Variants in FRMD6 observed in about 807,000 individuals in gnomAD.
FRMD6 encodes FERM domain containing 6, also known as FERM domain-containing protein 6.
In FRMD6, 37 loss-of-function variants were observed where a neutral mutation model predicts 73.2. That is an observed-to-expected ratio of 0.51 (90% CI 0.39 to 0.66). The LOEUF (loss-of-function observed/expected upper bound fraction) is 0.66. Ranked by LOEUF, FRMD6 falls within the 30% of genes least tolerant of loss-of-function variation. FRMD6 has a pLI of 0.00. For synonymous variants in FRMD6, 273 were observed against 282.2 expected (o/e 0.97, Z 0.33); for missense variants, 714 against 780.5 (o/e 0.91, Z 1.02).
intron 1 of FRMD6, among the ~76,000 whole-genome samples, chr14:51,556,345 A>G (rs1887130872): frequency 6.6e-6 from 1 of 152,240 alleles, no homozygotes; most frequent in Non-Finnish European, 1.5e-5. Flanking sequence ...CAATCACTGA[A>G]TAATTAGAAG....
At chr14:51,638,537 C>T (rs551441623) in intron 2 of FRMD6, among the ~76,000 whole-genome samples, 1 of 152,224 alleles carries the variant, frequency 6.6e-6, no homozygotes, top group East Asian at 1.9e-4. Flanking sequence ...ACCTGGCTCC[C>T]GCAATGATAG....
At chr14:51,409,886 G>A in the FRMD6 span, among the ~76,000 whole-genome samples, 1 of 152,132 alleles carries the variant, frequency 6.6e-6, no homozygotes, top group Non-Finnish European at 1.5e-5. Context: ...ACCACGCCCG[G>A]CCCAACGCAG....
chr14:51,659,897 A>C (rs1893094509), intron 1 of FRMD6, among the ~76,000 whole-genome samples: 1 of 152,236 alleles, frequency 6.6e-6, no homozygotes, highest in Admixed American at 6.5e-5. Flanking sequence ...CCAGAGTTTG[A>C]GATTTTAAAC....
intron 2 of FRMD6, among the ~76,000 whole-genome samples, chr14:51,590,569 A>G (rs1889334137): frequency 6.6e-6 from 1 of 152,240 alleles, no homozygotes. Context: ...TGTGTGGCTT[A>G]GAACTCAGAA....
intron 1 of FRMD6, among the ~76,000 whole-genome samples, chr14:51,569,674 G>T (rs1203606822): frequency 6.6e-6 from 1 of 150,778 alleles, no homozygotes; most frequent in Admixed American, 6.6e-5. Context: ...GCTAATTTTT[G>T]TATTTTTTGT....
At chr14:51,397,497 G>C in the FRMD6 span, among the ~76,000 whole-genome samples, 1 of 152,214 alleles carries the variant, frequency 6.6e-6, no homozygotes, top group South Asian at 2.1e-4. Flanking sequence ...GTATATGTGT[G>C]TGTGAGTAGC....
chr14:51,594,341 T>TA (rs57440129), intron 2 of FRMD6, among the ~76,000 whole-genome samples: 15 of 150,282 alleles, frequency 1.0e-4, no homozygotes, highest in South Asian at 2.1e-4. Flanking sequence ...TTTATTTATT[T>TA]TTTTGAGACG....
the FRMD6 span, among the ~76,000 whole-genome samples, chr14:51,437,512 C>T: frequency 6.6e-6 from 1 of 152,208 alleles, no homozygotes; most frequent in African/African-American, 2.4e-5. Context: ...CCGTGTTAGC[C>T]AGGATGGCCT....
At chr14:51,549,780 A>G (rs1290881816) in intron 1 of FRMD6, among the ~76,000 whole-genome samples, 3 of 151,538 alleles carry the variant, frequency 2.0e-5, no homozygotes, top group Non-Finnish European at 4.4e-5. Context: ...TATTTTTAGT[A>G]GAGACGGGGT....
chr14:51,712,026 C>A (rs1048682934), intron 8 of FRMD6, among the ~76,000 whole-genome samples: 1 of 152,134 alleles, frequency 6.6e-6, no homozygotes, highest in African/African-American at 2.4e-5. Context: ...ATGAAACTTA[C>A]CCCTTAAATA....
chr14:51,436,118 A>T, the FRMD6 span: 1 of 235,900 alleles, frequency 4.2e-6, no homozygotes, highest in Non-Finnish European at 8.2e-6. Flanking sequence ...CAGAGAAGAC[A>T]TTGACTTCTG....
At chr14:51,537,651 C>G (rs1323289937) in intron 1 of FRMD6, among the ~76,000 whole-genome samples, 2 of 152,196 alleles carry the variant, frequency 1.3e-5, no homozygotes, top group African/African-American at 4.8e-5. Flanking sequence ...TCCTGTTGCT[C>G]CACAACCTCA....
chr14:51,412,459 A>G, the FRMD6 span, among the ~76,000 whole-genome samples: 1 of 151,814 alleles, frequency 6.6e-6, no homozygotes, highest in Admixed American at 6.5e-5. Flanking sequence ...AAAGGGTGGG[A>G]TATTGAGAAG....
rs201318279 is a variant in FRMD6, at chr14:51,585,574, T to C, written c.-147+15164T>C. Among the ~76,000 whole-genome samples, 30 of 152,248 alleles carry C rather than the reference T, an allele frequency of 2.0e-4. No homozygotes were observed. The East Asian group carries it at 5.8e-3, about 30-fold the overall frequency. On this transcript the variant is annotated intron_variant, in intron 2 of 14. Transcript: ENST00000356218. ...ATCCAGGTTTCACATTTATGAGCTA[T>C]GTGACTTTAGATCGAATAACAACTG...
intron 13 of FRMD6, among the ~76,000 whole-genome samples, chr14:51,726,614 GA>G (rs1280097922): frequency 6.6e-6 from 1 of 152,080 alleles, no homozygotes; most frequent in Non-Finnish European, 1.5e-5. Flanking sequence ...TGATGTTTAT[GA>G]AATATTTTCC....
rs35908845 is a variant in FRMD6, at chr14:51,727,853, A to G, written c.1693A>G (p.Thr565Ala). Reference sequence around the variant, plus strand: ...GCGCATTGCAGGTCTGTGTCAGGACACTGCTCAGAGTTACACCTTTGGATG... The same window carrying G: ...GCGCATTGCAGGTCTGTGTCAGGACGCTGCTCAGAGTTACACCTTTGGATG... ...FLRIAGLCQD[T>A]AQSYTFGCGH... Residue 565 changes from threonine (T) to alanine (A), a missense_variant, in exon 14 of 14, where the codon ACT becomes GCT. Coordinates refer to ENST00000344768, the MANE Select transcript of FRMD6 (RefSeq NM_001267046.2). 5 of 1,614,224 alleles carry G rather than the reference A, an allele frequency of 3.1e-6. No individual in the cohort carries two copies. The highest frequency in any genetic ancestry group is 4.2e-6 in the Non-Finnish European group (5 of 1,180,024).
chr14:51,410,871 T>C, the FRMD6 span, among the ~76,000 whole-genome samples: 1 of 152,222 alleles, frequency 6.6e-6, no homozygotes, highest in South Asian at 2.1e-4. Context: ...TATGTGTAAA[T>C]GTGAATTTTA....
chr14:51,493,131 A>G (rs1883110083), intron 1 of FRMD6, among the ~76,000 whole-genome samples: 1 of 152,176 alleles, frequency 6.6e-6, no homozygotes, highest in South Asian at 2.1e-4. Context: ...AAGACAGCTG[A>G]CTTCCTGGGA....
At chr14:51,449,559 C>A in the FRMD6 span, among the ~76,000 whole-genome samples, 1 of 152,144 alleles carries the variant, frequency 6.6e-6, no homozygotes, top group Non-Finnish European at 1.5e-5. Context: ...GCCCTGGAGT[C>A]CCTCTTTGGC....
Sources: gnomAD v4.1 joint callset for allele counts (sites outside exome capture counted in the v4.1 genomes callset) on GRCh38, gnomAD v4.1.1 for gene constraint, MANE v1.5 for transcripts, NCBI Gene and HGNC (gene_info 2026-07-23, HGNC 2026-07-21) for gene names.